Variants in GRK4 observed in about 807,000 individuals in gnomAD.
GRK4 encodes G protein-coupled receptor kinase 2-like.
GRK4 carries 73 observed loss-of-function variants against 77.9 expected under a neutral mutation model. The ratio of observed to expected loss-of-function variants is 0.94; its 90% confidence interval spans 0.78 to 1.14. GRK4 has a LOEUF of 1.14. Ranked by LOEUF, GRK4 falls within the 50% of genes most tolerant of loss-of-function variation. GRK4 has a pLI of 0.00. For missense variants in GRK4, 729 were observed against 700.2 expected (o/e 1.04, Z -0.46); for synonymous variants, 257 against 254.4 (o/e 1.01, Z -0.10).
intron 4 of GRK4, among the ~76,000 whole-genome samples, chr4:2,994,583 TA>T (rs1174347768): frequency 2.6e-5 from 4 of 151,782 alleles, no homozygotes; most frequent in Non-Finnish European, 5.9e-5. Flanking sequence ...GAAATACCCA[TA>T]TAGCAAGGGA....
In GRK4 at chr4:2,989,039, G is replaced by A. The variant is rs536221599; in HGVS notation, c.261+200G>A. On this transcript the variant is annotated intron_variant, in intron 3 of 15. Coordinates refer to ENST00000398052, the MANE Select transcript of GRK4 (RefSeq NM_182982.3). ...TCTACTAAAATACAAAAAGTTAGCC[G>A]GGCGTGGTGGCGCGTGCCTGTAGTC... is the stretch of plus-strand genomic sequence containing the variant. Among the ~76,000 whole-genome samples, 225 of 152,180 alleles carry A rather than the reference G, an allele frequency of 1.5e-3. 1 individual carries two copies. The highest frequency in any genetic ancestry group is 2.7e-3 in the Non-Finnish European group (182 of 68,004).
intron 4 of GRK4, among the ~76,000 whole-genome samples, chr4:2,995,779 G>T (rs534051253): frequency 6.6e-6 from 1 of 152,188 alleles, no homozygotes; most frequent in Admixed American, 6.5e-5. Context: ...TACTGGCAGG[G>T]TTTTAAAGGC....
At chr4:2,997,288 C>A (rs1472370183) in intron 4 of GRK4, among the ~76,000 whole-genome samples, 2 of 152,096 alleles carry the variant, frequency 1.3e-5, no homozygotes, top group Non-Finnish European at 2.9e-5. Flanking sequence ...AAATCAATTA[C>A]TATAATACAC....
intron 1 of GRK4, among the ~76,000 whole-genome samples, chr4:2,983,481 C>A (rs1399252638): frequency 6.6e-6 from 1 of 152,178 alleles, no homozygotes; most frequent in Non-Finnish European, 1.5e-5. Context: ...TATAGTGTAG[C>A]CTTTTCCATC....
At chr4:2,973,651 T>TC (rs1437748435) in intron 1 of GRK4, among the ~76,000 whole-genome samples, 2 of 152,140 alleles carry the variant, frequency 1.3e-5, no homozygotes, top group African/African-American at 4.8e-5. Context: ...CGCAGCAGAT[T>TC]CCGACCTTTT....
intron 12 of GRK4, among the ~76,000 whole-genome samples, chr4:3,032,500 G>A (rs75391598): frequency 0.019 from 2,872 of 152,268 alleles, 32 homozygotes; most frequent in Middle Eastern, 0.082. Flanking sequence ...AAATAAAGCA[G>A]GATGCAATGG....
intron 12 of GRK4, among the ~76,000 whole-genome samples, chr4:3,031,381 T>C (rs1488650401): frequency 6.6e-6 from 1 of 152,168 alleles, no homozygotes; most frequent in Non-Finnish European, 1.5e-5. Flanking sequence ...CTCAACAGCA[T>C]CAAGAGCCCA....
rs1191498870 is a variant in GRK4, at chr4:2,988,708, A to G, written c.149-19A>G. ...TAATGATTCTATTTGTTTGCTTCTT[A>G]TCCCTTTGCTTCACCCAGAAAAGGA... On this transcript the variant is annotated intron_variant, in intron 2 of 15. Transcript: ENST00000398052. 2 of 1,348,006 alleles carry G rather than the reference A, an allele frequency of 1.5e-6. No individual in the cohort carries two copies. The highest frequency in any genetic ancestry group is 1.2e-5 in the South Asian group (1 of 86,330). The allele number at this position is 1,348,006 out of a possible 1,614,324, so 83.5% of individuals were successfully genotyped here. A position where few individuals can be genotyped will look rare whatever the true frequency, so the allele number is the denominator to read the frequency against.
At chr4:3,039,802 T>C (rs565330230) in intron 15 of GRK4, among the ~76,000 whole-genome samples, 1 of 150,892 alleles carries the variant, frequency 6.6e-6, no homozygotes, top group Admixed American at 6.6e-5. Flanking sequence ...AAGGGTTAGG[T>C]GTGAACTAAC....
intron 1 of GRK4, among the ~76,000 whole-genome samples, chr4:2,975,215 A>C (rs1203865434): frequency 6.6e-6 from 1 of 152,134 alleles, no homozygotes; most frequent in Non-Finnish European, 1.5e-5. Context: ...AGGCAGGAGA[A>C]TCGCTTGAAC....
intron 8 of GRK4, among the ~76,000 whole-genome samples, chr4:3,018,016 A>G (rs1330457915): frequency 1.3e-5 from 2 of 151,986 alleles, no homozygotes; most frequent in African/African-American, 2.4e-5. Context: ...AAGGTTAGAG[A>G]AAAGAAGAAA....
intron 1 of GRK4, among the ~76,000 whole-genome samples, chr4:2,981,742 C>T (rs1722935497): frequency 6.6e-6 from 1 of 152,256 alleles, no homozygotes; most frequent in Non-Finnish European, 1.5e-5. Flanking sequence ...AGGCTTCAGT[C>T]TATCCCTGGC....
At chr4:2,969,423 C>G (rs1044878849) in intron 1 of GRK4, 1 of 149,078 alleles carries the variant, frequency 6.7e-6, no homozygotes, top group African/African-American at 2.5e-5. Flanking sequence ...GTTGCCCAGG[C>G]TGGAGTGCAA....
At chr4:2,994,815 G>A (rs1049798167) in intron 4 of GRK4, among the ~76,000 whole-genome samples, 2 of 152,220 alleles carry the variant, frequency 1.3e-5, no homozygotes, top group African/African-American at 4.8e-5. Context: ...GGGGGTACAT[G>A]TGCAGGTTTG....
intron 9 of GRK4, among the ~76,000 whole-genome samples, chr4:3,020,595 C>T (rs988741411): frequency 1.3e-5 from 2 of 151,908 alleles, no homozygotes; most frequent in African/African-American, 2.4e-5. Context: ...AAAACAATTC[C>T]CCCTCCTGTC....
chr4:3,027,746 A>G (rs140273311), intron 10 of GRK4, among the ~76,000 whole-genome samples, 166 bp from the exon 11 acceptor site: 5 of 152,364 alleles, frequency 3.3e-5, no homozygotes, highest in African/African-American at 1.2e-4. Flanking sequence ...ATGGAATTTT[A>G]CTAAACATGA....
chr4:3,021,608 G>A (rs1369626752), intron 9 of GRK4, among the ~76,000 whole-genome samples: 6 of 152,224 alleles, frequency 3.9e-5, no homozygotes, highest in Admixed American at 3.9e-4. Flanking sequence ...CCCTGGCTAT[G>A]AGTCCTCTAG....
intron 2 of GRK4, among the ~76,000 whole-genome samples, chr4:2,985,523 T>TA (rs1724047028): frequency 6.7e-6 from 1 of 150,254 alleles, no homozygotes; most frequent in Non-Finnish European, 1.5e-5. Context: ...CTGGGCAACA[T>TA]AGTGAGACCT....
intron 4 of GRK4, among the ~76,000 whole-genome samples, chr4:3,001,121 A>T (rs577203290): frequency 1.0e-4 from 12 of 117,330 alleles, no homozygotes; most frequent in South Asian, 2.3e-4. Flanking sequence ...ATATGTATAT[A>T]TGTGTATGTG....
Sources: gnomAD v4.1 joint callset for allele counts (sites outside exome capture counted in the v4.1 genomes callset) on GRCh38, gnomAD v4.1.1 for gene constraint, MANE v1.5 for transcripts, NCBI Gene and HGNC (gene_info 2026-07-23, HGNC 2026-07-21) for gene names.